HDAC4: variants seen among roughly 807,000 people sequenced by gnomAD.
HDAC4 encodes histone deacetylase A.
A neutral mutation model predicts 135.1 loss-of-function variants in HDAC4; 16 were observed. The ratio of observed to expected loss-of-function variants is 0.12; its 90% confidence interval spans 0.08 to 0.18. The LOEUF (loss-of-function observed/expected upper bound fraction) is 0.18. Among genes scored for constraint, HDAC4 ranks in the 10% least tolerant of loss-of-function variants. The probability of loss-of-function intolerance (pLI) is 1.00; values close to 1 mark genes in which losing one functional copy is unlikely to be tolerated. For synonymous variants in HDAC4, 685 were observed against 653.4 expected (o/e 1.05, Z -0.74); for missense variants, 1,143 against 1,511.8 (o/e 0.76, Z 4.05).
intron 21 of HDAC4, 38 bp from the exon 22 acceptor site, chr2:239,081,230 CGA>C: frequency 6.5e-6 from 10 of 1,545,852 alleles, no homozygotes; most frequent in Non-Finnish European, 8.9e-6. Flanking sequence ...TCATGGACCC[CGA>C]GCGGGACCTG....
chr2:239,232,637 C>G, intron 3 of HDAC4, among the ~76,000 whole-genome samples: 1 of 109,218 alleles, frequency 9.2e-6, no homozygotes, highest in Admixed American at 9.6e-5. Flanking sequence ...TTCCCCTCAC[C>G]AAGCCAAGGG....
At chr2:239,373,060 G>A (rs1047654650) in intron 1 of HDAC4, among the ~76,000 whole-genome samples, 2 of 152,158 alleles carry the variant, frequency 1.3e-5, no homozygotes, top group South Asian at 4.1e-4. Context: ...AGACTGCCGG[G>A]TGCAAAGAGC....
intron 24 of HDAC4, among the ~76,000 whole-genome samples, chr2:239,059,582 T>C (rs890676135): frequency 2.0e-5 from 3 of 152,178 alleles, no homozygotes; most frequent in Non-Finnish European, 4.4e-5. Flanking sequence ...TCTGGTAAAA[T>C]GTAACTTCTC....
chr2:239,378,415 C>T (rs1392259314), intron 1 of HDAC4, among the ~76,000 whole-genome samples: 1 of 152,188 alleles, frequency 6.6e-6, no homozygotes, highest in East Asian at 1.9e-4. Flanking sequence ...ACATGCTCAA[C>T]GTGACCACGG....
intron 1 of HDAC4, among the ~76,000 whole-genome samples, chr2:239,380,744 C>T (rs1233909494): frequency 2.0e-5 from 3 of 152,158 alleles, no homozygotes; most frequent in Non-Finnish European, 2.9e-5. Context: ...CGGAAACACA[C>T]ACACAATCAA....
chr2:239,236,753 CA>C, intron 2 of HDAC4, 89 bp from the exon 3 acceptor site: 1 of 923,544 alleles, frequency 1.1e-6, no homozygotes, highest in Non-Finnish European at 1.7e-6. Flanking sequence ...AGTAACTCCC[CA>C]AACAATGAAA....
chr2:239,105,940 C>T (rs961378232), intron 15 of HDAC4, among the ~76,000 whole-genome samples: 3 of 152,240 alleles, frequency 2.0e-5, no homozygotes, highest in African/African-American at 4.8e-5. Flanking sequence ...GAGGGGCACC[C>T]GCACTGGAGA....
chr2:239,237,579 C>CA (rs112938737), intron 2 of HDAC4, among the ~76,000 whole-genome samples: 11,956 of 135,940 alleles, frequency 0.088, 625 homozygotes, highest in East Asian at 0.17. Context: ...CAAATGACTG[C>CA]AAAAAAAAAA....
At chr2:239,336,631 T>C (rs1691957941) in intron 2 of HDAC4, among the ~76,000 whole-genome samples, 1 of 152,238 alleles carries the variant, frequency 6.6e-6, no homozygotes, top group Non-Finnish European at 1.5e-5. Flanking sequence ...GTACTTCATT[T>C]TGTGAACTCA....
chr2:239,216,778 C>A (rs1261397948), intron 3 of HDAC4, among the ~76,000 whole-genome samples: 5 of 152,136 alleles, frequency 3.3e-5, no homozygotes, highest in Non-Finnish European at 7.4e-5. Context: ...TGCCCCTTCC[C>A]TGTGCCGGGA....
intron 2 of HDAC4, among the ~76,000 whole-genome samples, chr2:239,295,306 C>CAAAAAAAA (rs55990119): frequency 1.9e-4 from 9 of 46,560 alleles, no homozygotes; most frequent in Non-Finnish European, 1.9e-4. Context: ...GACTCCGTCT[C>CAAAAAAAA]AAAAAAAAAA....
Position 239,281,198 on chromosome 2 carries a change from C to T in HDAC4, c.23-44534G>A, listed in dbSNP as rs543262618. Among the ~76,000 whole-genome samples the T allele has an allele frequency of 7.1e-3, 974 of 137,930 alleles. 73 individuals carry two copies. The highest frequency in any genetic ancestry group is 0.025 in the African/African-American group (917 of 36,242). 90.5% of individuals were successfully genotyped at this position (137,930 alleles called of 152,430 possible). ...CACACCACTCTCAATGTACACACCC[C>T]TCTACAATGAACACACCACTCTACA... On this transcript the variant is annotated intron_variant, in intron 2 of 26. Transcript: ENST00000543185.
At chr2:239,257,886 C>T (rs2049134845) in intron 2 of HDAC4, among the ~76,000 whole-genome samples, 3 of 152,106 alleles carry the variant, frequency 2.0e-5, no homozygotes, top group Admixed American at 2.0e-4. Flanking sequence ...GAAAAAGACC[C>T]TCAGGTGCTC....
At chr2:239,163,750 G>T (rs751299136) in intron 6 of HDAC4, 53 bp downstream of exon 6, 1 of 1,585,838 alleles carries the variant, frequency 6.3e-7, no homozygotes, top group Non-Finnish European at 8.7e-7. Context: ...CGATCAGACA[G>T]TCCTCTGGGC....
chr2:239,337,775 C>T (rs1355572095), intron 2 of HDAC4, among the ~76,000 whole-genome samples: 4 of 152,156 alleles, frequency 2.6e-5, no homozygotes, highest in South Asian at 2.1e-4. Flanking sequence ...AGGAACAGAG[C>T]GAGCCAGGCA....
chr2:239,164,416 G>C (rs1575254942), intron 5 of HDAC4, among the ~76,000 whole-genome samples: 1 of 152,236 alleles, frequency 6.6e-6, no homozygotes, highest in African/African-American at 2.4e-5. Context: ...CAGCATCAAA[G>C]GGCAGCGCCT....
At chr2:239,174,285 G>A (rs569844100) in intron 5 of HDAC4, among the ~76,000 whole-genome samples, 1 of 152,174 alleles carries the variant, frequency 6.6e-6, no homozygotes, top group East Asian at 1.9e-4. Flanking sequence ...ACTGGCCAAG[G>A]GTTGATTCCA....
At chr2:239,136,181 C>T (rs896878263) in intron 9 of HDAC4, among the ~76,000 whole-genome samples, 1 of 152,120 alleles carries the variant, frequency 6.6e-6, no homozygotes, top group African/African-American at 2.4e-5. Context: ...AGATAGAAAT[C>T]CCCTTGCCAG....
intron 2 of HDAC4, among the ~76,000 whole-genome samples, chr2:239,250,053 G>A (rs1430615951): frequency 3.1e-4 from 47 of 152,330 alleles, no homozygotes; most frequent in East Asian, 3.9e-4. Context: ...GAGGCCCAGC[G>A]CAGCATCCTC....
Sources: allele counts gnomAD v4.1 joint callset (sites outside exome capture counted in the v4.1 genomes callset), GRCh38; gene constraint gnomAD v4.1.1; transcripts MANE v1.5; gene names NCBI Gene and HGNC (gene_info 2026-07-23, HGNC 2026-07-21).